The following AVL9 variants were observed in gnomAD, a reference collection of about 807,000 sequenced individuals.
AVL9 encodes the protein late secretory pathway protein AVL9 homolog.
A neutral mutation model predicts 79.2 loss-of-function variants in AVL9; 49 were observed. That is an observed-to-expected ratio of 0.62 (90% CI 0.49 to 0.79). The LOEUF is 0.79. Among genes scored for constraint, AVL9 ranks in the 30% least tolerant of loss-of-function variants. The probability of loss-of-function intolerance (pLI) is 0.00; values close to 1 mark genes in which losing one functional copy is unlikely to be tolerated. For synonymous variants in AVL9, 299 were observed against 280.6 expected, an observed-to-expected ratio of 1.07 and a Z score of -0.65; for missense variants, 682 against 776.8, an observed-to-expected ratio of 0.88 and a Z score of 1.45.
chr7:32,584,047 A>C lies in AVL9; in HGVS notation c.*140A>C. ...TTTACATGGATGTTGCTCTAAGTGA[A>C]TGTTTCGGGATGCCGAAATGATGAA... On this transcript the variant is annotated 3_prime_UTR_variant, in exon 16 of 16. Transcript: ENST00000318709. 1 of 717,228 alleles carries C rather than the reference A, an allele frequency of 1.4e-6. No homozygotes were observed. Among genetic ancestry groups the C allele is most frequent in the Admixed American group, 2.0e-5 (1 of 48,934 alleles). 44.4% of individuals were successfully genotyped at this position (717,228 alleles called of 1,614,324 possible).
intron 1 of AVL9, among the ~76,000 whole-genome samples, chr7:32,523,898 T>A (rs569303666): frequency 1.3e-4 from 19 of 151,944 alleles, no homozygotes; most frequent in African/African-American, 4.6e-4. Flanking sequence ...CACGCCCGGC[T>A]AATTTTTTGT....
At chr7:32,523,007 T>A (rs538310009) in intron 1 of AVL9, among the ~76,000 whole-genome samples, 2 of 152,114 alleles carry the variant, frequency 1.3e-5, no homozygotes, top group East Asian at 3.9e-4. Context: ...CATGTGGAAC[T>A]GTAAGTCCAA....
intron 15 of AVL9, 132 bp downstream of exon 15, chr7:32,581,022 T>A (rs974114473): frequency 7.8e-6 from 6 of 766,988 alleles, no homozygotes; most frequent in African/African-American, 3.5e-5. Flanking sequence ...AAGAGTTTTT[T>A]AAATTTTTGT....
At chr7:32,561,622 G>A (rs1325194125) in intron 10 of AVL9, among the ~76,000 whole-genome samples, 1 of 152,146 alleles carries the variant, frequency 6.6e-6, no homozygotes, top group East Asian at 1.9e-4. Context: ...CTTACCATTT[G>A]TGTGTTCACT....
At chr7:32,529,535 T>C (rs1788553351) in intron 1 of AVL9, among the ~76,000 whole-genome samples, 1 of 152,208 alleles carries the variant, frequency 6.6e-6, no homozygotes, top group Non-Finnish European at 1.5e-5. Flanking sequence ...AAAGCAAAGA[T>C]TTATTAGCCT....
chr7:32,558,792 T>C, intron 9 of AVL9, 137 bp from the exon 10 acceptor site: 2 of 1,045,426 alleles, frequency 1.9e-6, no homozygotes, highest in Non-Finnish European at 2.7e-6. Flanking sequence ...TGGGCTTCTT[T>C]CTGTTCTTTT....
intron 1 of AVL9, among the ~76,000 whole-genome samples, chr7:32,511,316 C>G (rs1787661629): frequency 6.6e-6 from 1 of 150,514 alleles, no homozygotes; most frequent in African/African-American, 2.4e-5. Flanking sequence ...GATTTGTGAG[C>G]CGTCAGGTCT....
chr7:32,520,985 G>C (rs540381410), intron 1 of AVL9, among the ~76,000 whole-genome samples: 28 of 151,974 alleles, frequency 1.8e-4, no homozygotes, highest in African/African-American at 6.3e-4. Flanking sequence ...GTTTATCAAG[G>C]GTTTCTGCTT....
At chr7:32,544,425 C>CT (rs1342203582) in intron 2 of AVL9, among the ~76,000 whole-genome samples, 1 of 152,160 alleles carries the variant, frequency 6.6e-6, no homozygotes, top group Non-Finnish European at 1.5e-5. Context: ...GAACGATTCC[C>CT]TAAAGATTAA....
At chr7:32,582,373 G>C (rs374695213) in intron 15 of AVL9, among the ~76,000 whole-genome samples, 1 of 71,736 alleles carries the variant, frequency 1.4e-5, no homozygotes, top group Non-Finnish European at 3.8e-5. Context: ...TACCTAGAGA[G>C]AGACAGAAAA....
At chr7:32,542,321 CCT>C (rs1331592906) in intron 1 of AVL9, among the ~76,000 whole-genome samples, 2 of 149,168 alleles carry the variant, frequency 1.3e-5, no homozygotes, top group Non-Finnish European at 3.0e-5. Flanking sequence ...AGGCGGATTA[CCT>C]TAGGTCAGGA....
intron 6 of AVL9, 90 bp downstream of exon 6, chr7:32,552,385 C>T (rs1789873198): frequency 5.5e-6 from 4 of 730,348 alleles, no homozygotes; most frequent in Middle Eastern, 2.9e-4. Context: ...ATTAGAATTA[C>T]ATCTCTATAT....
In AVL9 at chr7:32,588,460, C is replaced by A. The variant is rs957256403; in HGVS notation, c.*4553C>A. ...TTTATGATTAAAGGCTTTTCACAAA[C>A]CTTTTTAAAGAAAATTTAGCTGAGA... On this transcript the variant is annotated 3_prime_UTR_variant, in exon 16 of 16. Coordinates refer to ENST00000318709, the MANE Select transcript of AVL9 (RefSeq NM_015060.3). 2 of 152,082 alleles carry A rather than the reference C, an allele frequency of 1.3e-5. No homozygotes were observed. Among genetic ancestry groups the A allele is most frequent in the Non-Finnish European group, 2.9e-5 (2 of 68,020 alleles). 9.4% of individuals were successfully genotyped at this position (152,082 alleles called of 1,614,324 possible).
rs190936870 is a variant in AVL9 at position 32,520,897 on chromosome 7, G to A, written c.94-22244G>A. Among the ~76,000 whole-genome samples the A allele has an allele frequency of 1.1e-4, 16 of 152,220 alleles. No individual in the cohort carries two copies. In the East Asian group the frequency reaches 3.1e-3, roughly 29 times the overall value. ...CATGTGTTGTGGGAGGGACCCAGGAGGAAGTAACTGAATCATGGGGTCCAG... is the reference window on the plus strand; with the variant it reads ...CATGTGTTGTGGGAGGGACCCAGGAAGAAGTAACTGAATCATGGGGTCCAG... On this transcript the variant is annotated intron_variant, in intron 1 of 15. Transcript: ENST00000318709.
At chr7:32,530,106 G>A (rs1236307831) in intron 1 of AVL9, among the ~76,000 whole-genome samples, 1 of 151,934 alleles carries the variant, frequency 6.6e-6, no homozygotes, top group Non-Finnish European at 1.5e-5. Context: ...TTTAATTATT[G>A]GATTTAAGTT....
At chr7:32,496,509 A>G (rs1464445606) in intron 1 of AVL9, among the ~76,000 whole-genome samples, 3 of 152,240 alleles carry the variant, frequency 2.0e-5, no homozygotes, top group African/African-American at 7.2e-5. Flanking sequence ...TCACTGAATC[A>G]TTAATGCAGC....
intron 13 of AVL9, among the ~76,000 whole-genome samples, chr7:32,579,577 TA>T (rs1791390428): frequency 3.1e-4 from 2 of 6,492 alleles, no homozygotes; most frequent in African/African-American, 1.4e-3. Context: ...TATTATATTA[TA>T]TATTATATAT....
At chr7:32,546,585 G>T (rs1789515892) in intron 3 of AVL9, among the ~76,000 whole-genome samples, 1 of 152,162 alleles carries the variant, frequency 6.6e-6, no homozygotes, top group Non-Finnish European at 1.5e-5. Context: ...CACTTTGGGA[G>T]GCCAAGGCGG....
intron 11 of AVL9, among the ~76,000 whole-genome samples, chr7:32,571,229 C>CAAAA (rs35287763): frequency 3.4e-4 from 22 of 65,098 alleles, no homozygotes; most frequent in African/African-American, 1.1e-3. Flanking sequence ...GACCCTGTCT[C>CAAAA]AAAAAAAAAA....
Sources: gnomAD v4.1 joint callset for allele counts (sites outside exome capture counted in the v4.1 genomes callset) on GRCh38, gnomAD v4.1.1 for gene constraint, MANE v1.5 for transcripts, NCBI Gene and HGNC (gene_info 2026-07-23, HGNC 2026-07-21) for gene names.